The following NMBR variants were observed in gnomAD, a reference collection of about 807,000 sequenced individuals.
NMBR encodes neuromedin-B receptor.
In NMBR, 16 loss-of-function variants were observed where a neutral mutation model predicts 20.5. The observed-to-expected ratio is 0.78, with a 90% CI of 0.53 to 1.19. The LOEUF is 1.19. NMBR is among the 50% of genes most tolerant of loss of function. NMBR has a pLI of 0.00. For missense variants in NMBR, 582 were observed against 499.1 expected (o/e 1.17, Z -1.58); for synonymous variants, 212 against 196.6 (o/e 1.08, Z -0.65).
intron 1 of NMBR, among the ~76,000 whole-genome samples, chr6:142,115,978 C>G (rs187421253): frequency 2.0e-5 from 3 of 151,854 alleles, no homozygotes; most frequent in African/African-American, 7.3e-5. Flanking sequence ...GAGGGTGGGT[C>G]TTTCCTGCAC....
chr6:142,132,381 T>C (rs559959329), intron 1 of NMBR, among the ~76,000 whole-genome samples: 8 of 152,300 alleles, frequency 5.3e-5, no homozygotes, highest in Admixed American at 6.5e-5. Context: ...TTACAGATGA[T>C]GTATCTGCTG....
intron 1 of NMBR, among the ~76,000 whole-genome samples, chr6:142,137,315 C>T (rs225610): frequency 6.6e-6 from 1 of 151,666 alleles, no homozygotes; most frequent in Admixed American, 6.6e-5. Flanking sequence ...TTGGTGTCTA[C>T]GAATGCTTGT....
intron 1 of NMBR, among the ~76,000 whole-genome samples, chr6:142,131,402 T>C (rs900845012): frequency 3.3e-5 from 5 of 152,222 alleles, no homozygotes; most frequent in Admixed American, 6.5e-5. Flanking sequence ...TTTGAAACTT[T>C]CTTTGCCTAA....
At chr6:142,128,225 A>G (rs1446722825) in intron 1 of NMBR, among the ~76,000 whole-genome samples, 1 of 152,066 alleles carries the variant, frequency 6.6e-6, no homozygotes, top group East Asian at 1.9e-4. Context: ...GCCTTCTGCC[A>G]TGATTTTAAG....
chr6:142,095,974 T>C (rs1353093847), intron 1 of NMBR, among the ~76,000 whole-genome samples: 2 of 152,198 alleles, frequency 1.3e-5, no homozygotes, highest in Admixed American at 1.3e-4. Flanking sequence ...TGGTAGTTTG[T>C]ATTTCTGTGG....
At chr6:142,079,118 G>GAA (rs1222280169) in intron 2 of NMBR, among the ~76,000 whole-genome samples, 4 of 75,766 alleles carry the variant, frequency 5.3e-5, no homozygotes, top group African/African-American at 4.2e-4. Context: ...AAGAAAGAAA[G>GAA]AAAGAAAGAA....
chr6:142,095,648 A>G lies in NMBR; in HGVS notation c.-663-6327T>C, dbSNP rs937397458. Among the ~76,000 whole-genome samples, 3 of 152,184 alleles carry G rather than the reference A, an allele frequency of 2.0e-5. No individual in the cohort carries two copies. In the East Asian group the frequency reaches 5.8e-4, roughly 29 times the overall value. On this transcript the variant is annotated intron_variant, in intron 1 of 3. Coordinates refer to ENST00000258042, the MANE Select transcript of NMBR (RefSeq NM_002511.4). ...TGTGTCTCTGCCAGGCTTTGGTATC[A>G]GGATGATGCTGGCCTCATAAAATGA...
rs368523738 is a variant in NMBR at position 142,130,479 on chromosome 6, T to C, written c.-664+16565A>G. On this transcript the variant is annotated intron_variant, in intron 1 of 3. Transcript: ENST00000258042. ...CAATTAGACAAAAGATTTCTAGATA[T>C]CTTAAGAGCACTTCAGAAAAGCCTA... 4.1e-4 allele frequency among the ~76,000 whole-genome samples: 62 copies of C among 152,270 alleles called. 2 individuals are homozygous for C. Among genetic ancestry groups the C allele is most frequent in the East Asian group, 2.7e-3 (14 of 5,168 alleles).
intron 1 of NMBR, among the ~76,000 whole-genome samples, chr6:142,102,710 A>G (rs1777586856): frequency 6.6e-6 from 1 of 152,150 alleles, no homozygotes; most frequent in South Asian, 2.1e-4. Context: ...GCTTCTCACT[A>G]ATTATGAGGC....
At chr6:142,092,511 C>T (rs1010985683) in intron 1 of NMBR, among the ~76,000 whole-genome samples, 1 of 152,102 alleles carries the variant, frequency 6.6e-6, no homozygotes, top group African/African-American at 2.4e-5. Context: ...GTGATTCCTA[C>T]TTCAAGTCAA....
At chr6:142,077,092 T>C (rs1399057573) in intron 3 of NMBR, among the ~76,000 whole-genome samples, 1 of 152,212 alleles carries the variant, frequency 6.6e-6, no homozygotes, top group Non-Finnish European at 1.5e-5. Flanking sequence ...CCTAAGAAAG[T>C]CAAATGTGAA....
chr6:142,076,577 C>T (rs922602238), intron 3 of NMBR, among the ~76,000 whole-genome samples: 7 of 152,068 alleles, frequency 4.6e-5, no homozygotes, highest in African/African-American at 7.2e-5. Flanking sequence ...CTGATATAAC[C>T]GTGAATCCTG....
chr6:142,143,536 G>A (rs1469245844), intron 1 of NMBR, among the ~76,000 whole-genome samples: 1 of 152,124 alleles, frequency 6.6e-6, no homozygotes, highest in African/African-American at 2.4e-5. Context: ...CACTCTCCTC[G>A]GCTTCCCAAA....
intron 1 of NMBR, among the ~76,000 whole-genome samples, chr6:142,105,234 T>TG (rs1777640103): frequency 6.6e-6 from 1 of 152,148 alleles, no homozygotes; most frequent in Non-Finnish European, 1.5e-5. Context: ...AGGCAGGAAC[T>TG]GGCTATTTTC....
chr6:142,077,015 C>T (rs1163197759), intron 3 of NMBR, among the ~76,000 whole-genome samples: 2 of 152,110 alleles, frequency 1.3e-5, no homozygotes, highest in Non-Finnish European at 2.9e-5. Context: ...GGAACCCAGG[C>T]CAGGAAGCAG....
rs187942812 is a variant in NMBR at position 142,076,978 on chromosome 6, G to A, written c.772-929C>T. ...TAGGTAGCAATAGAGTGGTAATGGA[G>A]GAAGCGAAGAAAGGTAAAACTGAAG... On this transcript the variant is annotated intron_variant, in intron 3 of 3. Transcript: ENST00000258042. Among the ~76,000 whole-genome samples the A allele has an allele frequency of 7.9e-5, 12 of 152,314 alleles. No homozygotes were observed. In the East Asian group the frequency reaches 1.4e-3, roughly 17 times the overall value.
chr6:142,111,183 T>A (rs1777756621), intron 1 of NMBR, among the ~76,000 whole-genome samples: 1 of 151,042 alleles, frequency 6.6e-6, no homozygotes, highest in Admixed American at 6.6e-5. Flanking sequence ...GAGGTTGCAG[T>A]GAGCAGAGAT....
chr6:142,126,974 T>A (rs1351520841), intron 1 of NMBR, among the ~76,000 whole-genome samples: 1 of 151,762 alleles, frequency 6.6e-6, no homozygotes, highest in Non-Finnish European at 1.5e-5. Flanking sequence ...TATTTTGTTT[T>A]TGCTGTGCAG....
intron 1 of NMBR, among the ~76,000 whole-genome samples, chr6:142,131,279 C>T (rs1488893840): frequency 6.6e-6 from 1 of 152,174 alleles, no homozygotes; most frequent in Non-Finnish European, 1.5e-5. Context: ...AGGCACATTG[C>T]AATAGAATAT....
Sources: gnomAD v4.1 joint callset for allele counts (sites outside exome capture counted in the v4.1 genomes callset) on GRCh38, gnomAD v4.1.1 for gene constraint, MANE v1.5 for transcripts, NCBI Gene and HGNC (gene_info 2026-07-23, HGNC 2026-07-21) for gene names.